The following ARL2BP variants were observed in gnomAD, a reference collection of about 807,000 sequenced individuals.
The protein encoded by ARL2BP is ADP-ribosylation factor-like protein 2-binding protein.
ARL2BP carries 19 observed loss-of-function variants against 24.2 expected under a neutral mutation model. That is an observed-to-expected ratio of 0.79 (90% CI 0.55 to 1.15). ARL2BP has a LOEUF of 1.15. Ranked by LOEUF, ARL2BP falls within the 50% of genes most tolerant of loss-of-function variation. The pLI, the probability that ARL2BP is intolerant of heterozygous loss-of-function variation, is 0.00. For missense variants in ARL2BP, 160 were observed against 190.4 expected, an observed-to-expected ratio of 0.84 and a Z score of 0.94; for synonymous variants, 56 against 70.5, an observed-to-expected ratio of 0.79 and a Z score of 1.03.
At chr16:57,246,037 A>T (rs1333780978) in intron 1 of ARL2BP, 43 bp from the exon 2 acceptor site, 2 of 1,593,790 alleles carry the variant, frequency 1.3e-6, no homozygotes, top group Admixed American at 1.7e-5. Context: ...CATTTTTTTA[A>T]TGCATTATTT....
chr16:57,250,547 C>G lies in ARL2BP; in HGVS notation c.390+40C>G. On this transcript the variant is annotated intron_variant, in intron 5 of 5. Coordinates refer to ENST00000219204, the MANE Select transcript of ARL2BP (RefSeq NM_012106.4). ...CTATTTATTTAGCCACTTTGAGCCA[C>G]TTAGAAAATTCCAGGTAGAAATACC... 4 of 1,542,760 alleles carry G rather than the reference C, an allele frequency of 2.6e-6. No individual in the cohort carries two copies. In the South Asian group the frequency reaches 4.5e-5, roughly 17 times the overall value.
chr16:57,247,081 T>G (rs1293534514), intron 2 of ARL2BP, among the ~76,000 whole-genome samples: 12 of 152,192 alleles, frequency 7.9e-5, no homozygotes, highest in African/African-American at 2.7e-4. Flanking sequence ...AACACTGTTA[T>G]TTGGTGTTAT....
chr16:57,249,976 G>A, intron 4 of ARL2BP, 124 bp downstream of exon 4: 2 of 828,478 alleles, frequency 2.4e-6, no homozygotes. Flanking sequence ...TAGGTCCTAT[G>A]GAGGAAGCCC....
rs745431800 is a variant in ARL2BP, at chr16:57,245,417, C to T, written c.38+12C>T. 1.2e-6 allele frequency: 2 copies of T among 1,604,554 alleles called. No homozygotes were observed. Among genetic ancestry groups the T allele is most frequent in the Non-Finnish European group, 1.7e-6 (2 of 1,176,420 alleles). ...TTTGCGCTGTCTTTGTGAGTAGCTC[C>T]TCCAGGGCGCAGGCGACTTGGGGCC... On this transcript the variant is annotated intron_variant, in intron 1 of 5. Transcript: ENST00000219204.
rs75145229 is a variant in ARL2BP, at chr16:57,252,499, C to T, written c.*232C>T. 9.1e-4 allele frequency: 627 copies of T among 686,556 alleles called. 7 individuals carry two copies. The East Asian group carries it at 0.016, about 18-fold the overall frequency. The allele number at this position is 686,556 out of a possible 1,614,324, so 42.5% of individuals were successfully genotyped here. A position where few individuals can be genotyped will look rare whatever the true frequency, so the allele number is the denominator to read the frequency against. On this transcript the variant is annotated 3_prime_UTR_variant, in exon 6 of 6. Transcript: ENST00000219204. ...TACTCCTCCCCACCTCAAGTAGACA[C>T]CTCTCTCAGGAGCTTCTGAGTCAGA...
chr16:57,249,848 T>C lies in ARL2BP; in HGVS notation c.289T>C (p.Leu97=). The part of the protein sequence containing the change: ...EFNMAAFTTT[L]QHHKDEVAGD... ...CAACATGGCAGCCTTCACCACAACA[T>C]TACAGTGAGTTGAGCTTGACTGATT... Residue 97 remains leucine (L), a synonymous_variant, in exon 4 of 6, where the codon TTA becomes CTA. Coordinates refer to ENST00000219204, the MANE Select transcript of ARL2BP (RefSeq NM_012106.4). 1 of 1,613,834 alleles carries C rather than the reference T, an allele frequency of 6.2e-7. No individual in the cohort carries two copies. Among genetic ancestry groups the C allele is most frequent in the Non-Finnish European group, 8.5e-7 (1 of 1,179,696 alleles).
Position 57,248,577 on chromosome 16 carries a change from G to A in ARL2BP, c.141G>A (p.Lys47=). The A allele has an allele frequency of 6.2e-7, 1 of 1,606,100 alleles. No homozygotes were observed. Among genetic ancestry groups the A allele is most frequent in the Non-Finnish European group, 8.5e-7 (1 of 1,176,834 alleles). Residue 47 remains lysine (K), a synonymous_variant, in exon 3 of 6, where the codon AAG becomes AAA. Transcript: ENST00000219204. ...FQLLQRNFMD[K]YYLEFEDTEE... ...TATTACAGAGAAATTTCATGGACAA[G>A]TACTACCTGGAGTTTGAAGACACAG... is the stretch of plus-strand genomic sequence containing the variant.
At position 57,245,329 on chromosome 16, in the gene ARL2BP, G is replaced by A. The variant is rs2075386460; in HGVS notation, c.-39G>A. On this transcript the variant is annotated 5_prime_UTR_variant, in exon 1 of 6. Coordinates refer to ENST00000219204, the MANE Select transcript of ARL2BP (RefSeq NM_012106.4). Reference sequence around the variant, plus strand: ...GCGGCCGCGCCCTGCATGCGAGTTGGGCCGCGGGCGGGGTTGGAGCCTACT... The same window carrying A: ...GCGGCCGCGCCCTGCATGCGAGTTGAGCCGCGGGCGGGGTTGGAGCCTACT... 3.1e-6 allele frequency: 5 copies of A among 1,594,798 alleles called. No homozygotes were observed. Among genetic ancestry groups the A allele is most frequent in the East Asian group, 4.5e-5 (2 of 44,246 alleles).
chr16:57,250,092 A>C (rs2075402659), intron 4 of ARL2BP: 1 of 595,884 alleles, frequency 1.7e-6, no homozygotes, highest in African/African-American at 1.9e-5. Flanking sequence ...CCAGGAGTTC[A>C]AGACCAGCCT....
chr16:57,252,497 C>T lies in ARL2BP; in HGVS notation c.*230C>T. 1 of 693,508 alleles carries T rather than the reference C, an allele frequency of 1.4e-6. No individual in the cohort carries two copies. Among genetic ancestry groups the T allele is most frequent in the Non-Finnish European group, 2.3e-6 (1 of 437,798 alleles). The allele number at this position is 693,508 out of a possible 1,614,324, so 43.0% of individuals were successfully genotyped here. A position where few individuals can be genotyped will look rare whatever the true frequency, so the allele number is the denominator to read the frequency against. ...AGTACTCCTCCCCACCTCAAGTAGACACCTCTCTCAGGAGCTTCTGAGTCA... is the reference window on the plus strand; with the variant it reads ...AGTACTCCTCCCCACCTCAAGTAGATACCTCTCTCAGGAGCTTCTGAGTCA... On this transcript the variant is annotated 3_prime_UTR_variant, in exon 6 of 6. Coordinates refer to ENST00000219204, the MANE Select transcript of ARL2BP (RefSeq NM_012106.4).
At chr16:57,248,133 A>AT (rs1402483796) in intron 2 of ARL2BP, 1 of 152,454 alleles carries the variant, frequency 6.6e-6, no homozygotes, top group Non-Finnish European at 1.5e-5. Context: ...AGCCAACATG[A>AT]TGAAACCCTG....
chr16:57,252,683 CCA>C lies in ARL2BP; in HGVS notation c.*419_*420del, dbSNP rs1455974916. ...CACTTGCACCTCTTTTTCACATGGGCCACAGTTTCAGTACTTCAGCCTCAGTG... is the reference window on the plus strand; with the variant it reads ...CACTTGCACCTCTTTTTCACATGGGCCAGTTTCAGTACTTCAGCCTCAGTG... On this transcript the variant is annotated 3_prime_UTR_variant, in exon 6 of 6. Coordinates refer to ENST00000219204, the MANE Select transcript of ARL2BP (RefSeq NM_012106.4). 8 of 221,904 alleles carry C rather than the reference CCA, an allele frequency of 3.6e-5. No homozygotes were observed. Among genetic ancestry groups the C allele is most frequent in the Admixed American group, 5.2e-5 (1 of 19,156 alleles). 13.7% of individuals were successfully genotyped at this position (221,904 alleles called of 1,614,324 possible). A position where few individuals can be genotyped will look rare whatever the true frequency, so the allele number is the denominator to read the frequency against.
chr16:57,245,496 G>GGGGCCGGGCCGGGCC (rs536362342), intron 1 of ARL2BP, 91 bp downstream of exon 1: 7 of 1,514,516 alleles, frequency 4.6e-6, no homozygotes, highest in East Asian at 4.9e-5. Context: ...GGTGTCCTTA[G>GGGGCCGGGCCGGGCC]GGGCCGGGCC....
At position 57,245,326 on chromosome 16, in the gene ARL2BP, T is replaced by C; in HGVS notation, c.-42T>C. The stretch of plus-strand genomic sequence containing the variant: ...CGGGCGGCCGCGCCCTGCATGCGAG[T>C]TGGGCCGCGGGCGGGGTTGGAGCCT... On this transcript the variant is annotated 5_prime_UTR_variant, in exon 1 of 6. Transcript: ENST00000219204. 1 of 1,592,988 alleles carries C rather than the reference T, an allele frequency of 6.3e-7. No individual in the cohort carries two copies. The highest frequency in any genetic ancestry group is 8.5e-7 in the Non-Finnish European group (1 of 1,171,188).
At chr16:57,249,419 G>A (rs902942730) in intron 3 of ARL2BP, 18 of 216,708 alleles carry the variant, frequency 8.3e-5, no homozygotes, top group Middle Eastern at 1.7e-3. Context: ...CTCCATGTCC[G>A]TATGTTCTGT....
chr16:57,251,149 G>A, intron 5 of ARL2BP: 1 of 152,034 alleles, frequency 6.6e-6, no homozygotes, highest in Non-Finnish European at 1.5e-5. Flanking sequence ...TATAATCCCA[G>A]CACTTTGGGA....
chr16:57,247,552 A>AT (rs2075394172), intron 2 of ARL2BP: 1 of 152,072 alleles, frequency 6.6e-6, no homozygotes, highest in African/African-American at 2.4e-5. Flanking sequence ...ATTCCCTATC[A>AT]TTTATTAAGT....
chr16:57,250,742 A>G lies in ARL2BP; in HGVS notation c.390+235A>G, dbSNP rs1597953888. ...ATCAGAAGGACAAAACCGAAAAAGC[A>G]GGTCTCAGGTCTCATTCTGCCTTGC... On this transcript the variant is annotated intron_variant, in intron 5 of 5. Transcript: ENST00000219204. The G allele has an allele frequency of 5.7e-6, 3 of 526,790 alleles. No homozygotes were observed. In the East Asian group the frequency reaches 9.6e-5, roughly 17 times the overall value. The allele number at this position is 526,790 out of a possible 1,614,324, so 32.6% of individuals were successfully genotyped here.
intron 1 of ARL2BP, 104 bp downstream of exon 1, chr16:57,245,509 G>C: frequency 6.8e-7 from 1 of 1,476,966 alleles, no homozygotes; most frequent in Non-Finnish European, 9.2e-7. Flanking sequence ...GCCGGGCCGG[G>C]CCGGGCCGGG....
Sources: gnomAD v4.1 joint callset for allele counts (sites outside exome capture counted in the v4.1 genomes callset) on GRCh38, gnomAD v4.1.1 for gene constraint, MANE v1.5 for transcripts, NCBI Gene and HGNC (gene_info 2026-07-23, HGNC 2026-07-21) for gene names.